Variants in FHIT observed in about 807,000 individuals in gnomAD.
FHIT encodes the protein bis(5'-adenosyl)-triphosphatase.
FHIT carries 19 observed loss-of-function variants against 17.9 expected under a neutral mutation model. The ratio of observed to expected loss-of-function variants is 1.06; its 90% CI spans 0.74 to 1.56. The LOEUF (loss-of-function observed/expected upper bound fraction) is 1.56, where lower values mean the gene tolerates loss of function less well. FHIT is among the 40% of genes most tolerant of loss of function. The probability of loss-of-function intolerance (pLI) is 0.00; values close to 1 mark genes in which losing one functional copy is unlikely to be tolerated. For synonymous variants in FHIT, 81 were observed against 69.7 expected (o/e 1.16, Z -0.81); for missense variants, 248 against 189.2 (o/e 1.31, Z -1.82).
intron 4 of FHIT, among the ~76,000 whole-genome samples, chr3:60,760,559 A>G (rs564623417): frequency 4.9e-4 from 74 of 152,326 alleles, no homozygotes; most frequent in African/African-American, 1.7e-3. Context: ...TATTAATGAA[A>G]GATATTAATT....
chr3:60,450,999 G>A (rs1238837450), intron 5 of FHIT, among the ~76,000 whole-genome samples: 1 of 152,022 alleles, frequency 6.6e-6, no homozygotes, highest in Non-Finnish European at 1.5e-5. Context: ...GTTAGAATAG[G>A]TATTTTCAAT....
chr3:60,464,857 T>C (rs555026), intron 5 of FHIT, among the ~76,000 whole-genome samples: 28,206 of 152,076 alleles, frequency 0.19, 4,463 homozygotes, highest in African/African-American at 0.43. Context: ...ACTGATTTCC[T>C]TTCTTTTGGG....
intron 4 of FHIT, among the ~76,000 whole-genome samples, chr3:60,688,480 G>A (rs1218421944): frequency 1.3e-5 from 2 of 149,256 alleles, no homozygotes; most frequent in Non-Finnish European, 3.0e-5. Context: ...TGCCCCAGCT[G>A]GAATGCAATG....
intron 3 of FHIT, among the ~76,000 whole-genome samples, chr3:60,990,572 C>T (rs2030108179): frequency 1.3e-5 from 2 of 152,138 alleles, no homozygotes; most frequent in African/African-American, 2.4e-5. Flanking sequence ...AACAGTGTCC[C>T]CATTCTAGTA....
intron 4 of FHIT, among the ~76,000 whole-genome samples, chr3:60,714,869 T>G (rs554017112): frequency 1.3e-5 from 2 of 152,290 alleles, no homozygotes; most frequent in East Asian, 3.9e-4. Context: ...CCAAGGTAAT[T>G]TATAGATTCA....
At chr3:60,808,479 T>G (rs1183728376) in intron 4 of FHIT, among the ~76,000 whole-genome samples, 1 of 152,162 alleles carries the variant, frequency 6.6e-6, no homozygotes, top group African/African-American at 2.4e-5. Context: ...CAACCCCATA[T>G]TATATCAGAT....
At chr3:60,224,690 C>G (rs1190506285) in intron 5 of FHIT, among the ~76,000 whole-genome samples, 4 of 149,378 alleles carry the variant, frequency 2.7e-5, no homozygotes, top group Admixed American at 2.7e-4. Context: ...TCCTTTTTAT[C>G]TCTCACCAGG....
chr3:60,917,071 T>C (rs1221618336), intron 3 of FHIT, among the ~76,000 whole-genome samples: 2 of 152,208 alleles, frequency 1.3e-5, no homozygotes, highest in African/African-American at 2.4e-5. Flanking sequence ...TACTGGCTAA[T>C]TAGTCATTAA....
At chr3:60,995,333 T>C (rs1412363286) in intron 3 of FHIT, among the ~76,000 whole-genome samples, 1 of 151,888 alleles carries the variant, frequency 6.6e-6, no homozygotes, top group Non-Finnish European at 1.5e-5. Context: ...ATAATAATAA[T>C]AATAATAATA....
intron 2 of FHIT, among the ~76,000 whole-genome samples, chr3:61,070,200 C>T (rs1436956704): frequency 1.3e-5 from 2 of 152,120 alleles, no homozygotes; most frequent in Non-Finnish European, 2.9e-5. Flanking sequence ...GACCAGGAAC[C>T]ACCATTTTGA....
chr3:60,135,082 A>G (rs138516745), intron 5 of FHIT, among the ~76,000 whole-genome samples: 5 of 152,292 alleles, frequency 3.3e-5, no homozygotes, highest in Non-Finnish European at 7.4e-5. Context: ...TAAAAAGGGC[A>G]AAGTCAGAGG....
chr3:60,269,570 A>T (rs1706760885), intron 5 of FHIT, among the ~76,000 whole-genome samples: 1 of 152,224 alleles, frequency 6.6e-6, no homozygotes, highest in African/African-American at 2.4e-5. Flanking sequence ...CTTAAACACA[A>T]AAATTTTAAA....
chr3:60,893,696 C>A (rs1208174283), intron 3 of FHIT, among the ~76,000 whole-genome samples: 1 of 152,178 alleles, frequency 6.6e-6, no homozygotes, highest in African/African-American at 2.4e-5. Context: ...ATCCTTAATG[C>A]CTAATGACTG....
intron 2 of FHIT, among the ~76,000 whole-genome samples, chr3:61,197,440 C>A (rs1362959294): frequency 6.6e-6 from 1 of 152,052 alleles, no homozygotes; most frequent in Admixed American, 6.6e-5. Flanking sequence ...TATTTATTCA[C>A]AGTAGGAGTG....
intron 5 of FHIT, among the ~76,000 whole-genome samples, chr3:60,019,434 C>CTTTTTTTTTTTTT (rs1700470746): frequency 6.9e-5 from 4 of 57,650 alleles, no homozygotes; most frequent in South Asian, 9.3e-4. Context: ...TTTTTTTTTC[C>CTTTTTTTTTTTTT]TGAGATGGAG....
chr3:60,972,742 C>A (rs1710078044), intron 3 of FHIT, among the ~76,000 whole-genome samples: 1 of 152,058 alleles, frequency 6.6e-6, no homozygotes, highest in Admixed American at 6.6e-5. Context: ...ATAAAATTTT[C>A]TTTATTTTTG....
chr3:59,945,705 T>C (rs775581888), intron 7 of FHIT, among the ~76,000 whole-genome samples: 4 of 152,230 alleles, frequency 2.6e-5, no homozygotes, highest in Non-Finnish European at 5.9e-5. Flanking sequence ...CTTGAGTTTA[T>C]TTTTGCATAC....
intron 4 of FHIT, among the ~76,000 whole-genome samples, chr3:60,665,146 G>A (rs1211934730): frequency 6.6e-6 from 1 of 151,756 alleles, no homozygotes; most frequent in African/African-American, 2.4e-5. Flanking sequence ...TTTTTGTTAT[G>A]GATAACACAT....
chr3:60,854,050 AG>A (rs1307438064), intron 3 of FHIT, among the ~76,000 whole-genome samples: 3 of 152,152 alleles, frequency 2.0e-5, no homozygotes, highest in Non-Finnish European at 4.4e-5. Flanking sequence ...CCCAGGTTGA[AG>A]GAAGTGTAAA....
Sources: allele counts gnomAD v4.1 joint callset (sites outside exome capture counted in the v4.1 genomes callset), GRCh38; gene constraint gnomAD v4.1.1; transcripts MANE v1.5; gene names NCBI Gene and HGNC (gene_info 2026-07-23, HGNC 2026-07-21).